Variants in ARHGEF28 observed in about 807,000 individuals in gnomAD.
ARHGEF28 encodes the protein Rho guanine nucleotide exchange factor 28.
In ARHGEF28, 152 loss-of-function variants were observed where a neutral mutation model predicts 206.6. That is an observed-to-expected ratio of 0.74 (90% confidence interval 0.64 to 0.84). The LOEUF is 0.84. ARHGEF28 is among the 40% of genes least tolerant of loss of function. ARHGEF28 has a pLI of 0.00. For missense variants in ARHGEF28, 2,028 were observed against 2,073.2 expected, an observed-to-expected ratio of 0.98 and a Z score of 0.42; for synonymous variants, 763 against 776.4, an observed-to-expected ratio of 0.98 and a Z score of 0.29.
At chr5:73,851,487 TATA>T (rs1311138161) in intron 13 of ARHGEF28, among the ~76,000 whole-genome samples, 1 of 152,138 alleles carries the variant, frequency 6.6e-6, no homozygotes, top group Non-Finnish European at 1.5e-5. Flanking sequence ...AATCCAGTTT[TATA>T]ATTCCCTTTG....
intron 9 of ARHGEF28, among the ~76,000 whole-genome samples, chr5:73,817,265 CCAGG>C (rs2112530543): frequency 6.6e-6 from 1 of 152,336 alleles, no homozygotes; most frequent in Non-Finnish European, 1.5e-5. Flanking sequence ...TGGTGCAAAA[CCAGG>C]CTACAATTGC....
chr5:73,776,696 G>T lies in ARHGEF28; in HGVS notation c.840G>T (p.Lys280Asn). 6.2e-7 allele frequency: 1 copy of T among 1,609,226 alleles called. No individual in the cohort carries two copies. Among genetic ancestry groups the T allele is most frequent in the Non-Finnish European group, 8.5e-7 (1 of 1,176,942 alleles). Reference protein sequence around the residue: ...KYFWDRAFLVKAFEPEARPEE... With the variant: ...KYFWDRAFLVNAFEPEARPEE... ...TTTGGGATAGAGCCTTTCTTGTCAAGGTTTGTACATAGTGATTCTAGCATG... is the reference window on the plus strand; with the variant it reads ...TTTGGGATAGAGCCTTTCTTGTCAATGTTTGTACATAGTGATTCTAGCATG... The change falls in exon 6 of 36, where the codon AAG becomes AAT. Residue 280 changes from lysine (K) to asparagine (N), a missense_variant and splice_region_variant. Transcript: ENST00000513042.
intron 7 of ARHGEF28, chr5:73,786,365 C>T (rs548760427): frequency 2.6e-5 from 4 of 152,294 alleles, no homozygotes; most frequent in African/African-American, 9.6e-5. Context: ...GTGATCAGTC[C>T]ACTCCCTTAC....
At chr5:73,665,872 C>T (rs1745920734) in intron 1 of ARHGEF28, among the ~76,000 whole-genome samples, 1 of 152,194 alleles carries the variant, frequency 6.6e-6, no homozygotes, top group African/African-American at 2.4e-5. Flanking sequence ...CTGGACCCCC[C>T]AAATTCCTGT....
chr5:73,654,865 A>C (rs1745082775), intron 1 of ARHGEF28, among the ~76,000 whole-genome samples: 1 of 152,156 alleles, frequency 6.6e-6, no homozygotes, highest in African/African-American at 2.4e-5. Context: ...TGAAAACCTG[A>C]CGTTCACAGT....
In ARHGEF28 at chr5:73,795,385, G is replaced by T. The variant is rs756215644; in HGVS notation, c.1018G>T (p.Asp340Tyr). The T allele has an allele frequency of 9.3e-6, 15 of 1,613,382 alleles. No homozygotes were observed. In the East Asian group the frequency reaches 3.3e-4, roughly 36 times the overall value. ...HNEHEDQHSL[D>Y]LDRSFDILKK... ...TGAACATGAAGACCAGCACAGCCTA[G>T]ATTTGGGTATGAAATAACGCTTTTA... Residue 340 changes from aspartate (D) to tyrosine (Y), a missense_variant, in exon 9 of 36, where the codon GAT becomes TAT. By Grantham distance (160) the Asp-to-Tyr change is radical. Transcript: ENST00000513042.
chr5:73,749,580 C>A (rs1262362987), intron 2 of ARHGEF28, among the ~76,000 whole-genome samples: 3 of 152,232 alleles, frequency 2.0e-5, no homozygotes, highest in Non-Finnish European at 4.4e-5. Flanking sequence ...AGAAAAAATT[C>A]TTTCCTGTGC....
chr5:73,844,687 A>T (rs1293654004), intron 11 of ARHGEF28, among the ~76,000 whole-genome samples: 8 of 127,296 alleles, frequency 6.3e-5, no homozygotes, highest in African/African-American at 2.4e-4. Flanking sequence ...TCAAAGTTTC[A>T]TTTTCTGGTT....
chr5:73,922,985 A>G, intron 35 of ARHGEF28: 2 of 1,121,288 alleles, frequency 1.8e-6, no homozygotes, highest in Non-Finnish European at 2.5e-6. Context: ...AGTACTTTTC[A>G]TTGGCATGGA....
At chr5:73,923,132 G>C in intron 35 of ARHGEF28, 1 of 1,535,870 alleles carries the variant, frequency 6.5e-7, no homozygotes, top group Non-Finnish European at 8.7e-7. Flanking sequence ...TCTCCCCCGG[G>C]ACTGTGGACT....
chr5:73,891,690 A>T (rs756952933), intron 26 of ARHGEF28, among the ~76,000 whole-genome samples: 11 of 151,862 alleles, frequency 7.2e-5, no homozygotes, highest in Non-Finnish European at 1.3e-4. Context: ...ACATCTGGCT[A>T]ATTTTTGTGT....
chr5:73,922,302 C>T (rs1230143271), intron 35 of ARHGEF28, among the ~76,000 whole-genome samples: 1 of 152,336 alleles, frequency 6.6e-6, no homozygotes, highest in Non-Finnish European at 1.5e-5. Context: ...CAGTCACTTT[C>T]AACTGCAAGA....
intron 16 of ARHGEF28, 88 bp from the exon 17 acceptor site, chr5:73,864,729 A>AACCACAC: frequency 8.9e-7 from 1 of 1,129,924 alleles, no homozygotes; most frequent in Non-Finnish European, 1.3e-6. Context: ...GTTTTTTTAT[A>AACCACAC]ATGACCAGTG....
chr5:73,757,355 A>T (rs1030318895), intron 4 of ARHGEF28, among the ~76,000 whole-genome samples: 1 of 152,188 alleles, frequency 6.6e-6, no homozygotes, highest in African/African-American at 2.4e-5. Flanking sequence ...TTTTATTAAA[A>T]TTTTTTTGTG....
chr5:73,770,515 A>G (rs1309024371), intron 4 of ARHGEF28, among the ~76,000 whole-genome samples: 1 of 152,236 alleles, frequency 6.6e-6, no homozygotes, highest in Non-Finnish European at 1.5e-5. Context: ...CACCAACCAA[A>G]CAGGAAGAGA....
intron 2 of ARHGEF28, among the ~76,000 whole-genome samples, chr5:73,689,928 G>A (rs1303188573): frequency 2.0e-5 from 3 of 152,138 alleles, no homozygotes; most frequent in Non-Finnish European, 4.4e-5. Flanking sequence ...GCCTGGAAAA[G>A]GGTAAGTTAG....
chr5:73,783,345 AGTGTGTGTGTGTGT>A (rs57320048), intron 7 of ARHGEF28, among the ~76,000 whole-genome samples: 10,150 of 145,900 alleles, frequency 0.07, 737 homozygotes, highest in East Asian at 0.17. Flanking sequence ...CCTGGAATAT[AGTGTGTGTGTGTGT>A]GTGTGTGTGT....
At chr5:73,898,243 A>G (rs1312185717) in intron 30 of ARHGEF28, 150 bp downstream of exon 30, 14 of 938,184 alleles carry the variant, frequency 1.5e-5, no homozygotes, top group Non-Finnish European at 2.1e-5. Flanking sequence ...TAAATATGCT[A>G]GCCTAAATGA....
At chr5:73,710,761 G>A (rs1335341833) in intron 2 of ARHGEF28, among the ~76,000 whole-genome samples, 1 of 152,140 alleles carries the variant, frequency 6.6e-6, no homozygotes, top group Non-Finnish European at 1.5e-5. Context: ...GGAGGGCAGT[G>A]GCATGATCTT....
Sources: gnomAD v4.1 joint callset for allele counts (sites outside exome capture counted in the v4.1 genomes callset) on GRCh38, gnomAD v4.1.1 for gene constraint, MANE v1.5 for transcripts, NCBI Gene and HGNC (gene_info 2026-07-23, HGNC 2026-07-21) for gene names.